Variants in MAPK10 observed in about 807,000 individuals in gnomAD.
The protein encoded by MAPK10 is mitogen-activated protein kinase 10.
A neutral mutation model predicts 59.3 loss-of-function variants in MAPK10; 25 were observed. That is an observed-to-expected ratio of 0.42 (90% CI 0.31 to 0.59). The LOEUF is 0.59. Ranked by LOEUF, MAPK10 falls within the 20% of genes least tolerant of loss-of-function variation. MAPK10 has a pLI of 0.15. For synonymous variants in MAPK10, 190 were observed against 200.5 expected, an observed-to-expected ratio of 0.95 and a Z score of 0.44; for missense variants, 351 against 568.9, an observed-to-expected ratio of 0.62 and a Z score of 3.90.
intron 1 of MAPK10, among the ~76,000 whole-genome samples, chr4:86,528,064 G>A (rs979536202): frequency 7.9e-5 from 12 of 152,098 alleles, no homozygotes; most frequent in African/African-American, 1.9e-4. Flanking sequence ...TCACTACCTC[G>A]GTGATGGGAT....
chr4:86,262,550 T>G (rs2094037737), intron 2 of MAPK10, among the ~76,000 whole-genome samples: 1 of 152,192 alleles, frequency 6.6e-6, no homozygotes, highest in African/African-American at 2.4e-5. Flanking sequence ...TTAACACGCC[T>G]CATGACTAGG....
At chr4:86,348,462 C>T (rs1729437762) in intron 2 of MAPK10, among the ~76,000 whole-genome samples, 1 of 152,084 alleles carries the variant, frequency 6.6e-6, no homozygotes, top group Non-Finnish European at 1.5e-5. Context: ...ATTATAACCC[C>T]CATTCTTCCT....
intron 2 of MAPK10, among the ~76,000 whole-genome samples, chr4:86,243,787 C>T (rs114771251): frequency 2.7e-4 from 32 of 117,770 alleles, no homozygotes; most frequent in African/African-American, 1.0e-3. Flanking sequence ...TTTAGTTTGT[C>T]GATAGCTAGC....
rs1427459617 is a variant in MAPK10 at position 86,010,616 on chromosome 4, G to A, written c.*6612C>T. 1 of 152,128 alleles carries A rather than the reference G, an allele frequency of 6.6e-6. No individual in the cohort carries two copies. Among genetic ancestry groups the A allele is most frequent in the African/African-American group, 2.4e-5 (1 of 41,426 alleles). 9.4% of individuals were successfully genotyped at this position (152,128 alleles called of 1,614,324 possible). A position where few individuals can be genotyped will look rare whatever the true frequency, so the allele number is the denominator to read the frequency against. On this transcript the variant is annotated 3_prime_UTR_variant, in exon 14 of 14. Coordinates refer to ENST00000641462, the MANE Select transcript of MAPK10 (RefSeq NM_138982.4). ...AAGTTCGCAATGTATTAACATGAAG[G>A]AATAGGCCATTGCTTTCTGAAAACC...
intron 2 of MAPK10, among the ~76,000 whole-genome samples, chr4:86,320,456 T>G (rs1013521792): frequency 3.9e-5 from 6 of 152,328 alleles, no homozygotes; most frequent in Admixed American, 6.5e-5. Context: ...AAATAGAATA[T>G]CTACACTTTT....
chr4:86,408,825 C>T (rs1273237697), intron 1 of MAPK10, among the ~76,000 whole-genome samples: 1 of 152,114 alleles, frequency 6.6e-6, no homozygotes, highest in Non-Finnish European at 1.5e-5. Flanking sequence ...GGGTAGATTG[C>T]AAAAATTTTC....
At chr4:86,443,907 G>A (rs1350688940) in intron 1 of MAPK10, among the ~76,000 whole-genome samples, 2 of 152,046 alleles carry the variant, frequency 1.3e-5, no homozygotes, top group Non-Finnish European at 2.9e-5. Context: ...TAAGCAGAGG[G>A]AAGGAAATTA....
intron 2 of MAPK10, among the ~76,000 whole-genome samples, chr4:86,267,845 C>T (rs1049663371): frequency 6.6e-6 from 1 of 152,156 alleles, no homozygotes; most frequent in African/African-American, 2.4e-5. Flanking sequence ...ACTCTCCCTT[C>T]CTCTTCTGTT....
chr4:86,059,491 T>G (rs899578051), intron 11 of MAPK10, among the ~76,000 whole-genome samples: 1 of 152,168 alleles, frequency 6.6e-6, no homozygotes, highest in Non-Finnish European at 1.5e-5. Flanking sequence ...TTAATTGAAC[T>G]TCAGCACTAA....
chr4:86,230,047 C>T (rs1025959625), intron 2 of MAPK10, among the ~76,000 whole-genome samples: 3 of 152,116 alleles, frequency 2.0e-5, no homozygotes, highest in African/African-American at 4.8e-5. Context: ...GGCAACAGAG[C>T]GAGACCTTGT....
chr4:86,331,425 G>T (rs2096150644), intron 2 of MAPK10, among the ~76,000 whole-genome samples: 1 of 152,068 alleles, frequency 6.6e-6, no homozygotes, highest in Non-Finnish European at 1.5e-5. Flanking sequence ...ATGATATATA[G>T]CCATGTTCAA....
intron 1 of MAPK10, among the ~76,000 whole-genome samples, chr4:86,385,091 A>G (rs896747970): frequency 6.6e-6 from 1 of 152,100 alleles, no homozygotes; most frequent in African/African-American, 2.4e-5. Context: ...TACAGAAAAC[A>G]CTTTTTTTCA....
At chr4:86,508,673 T>G (rs1388936031) in intron 1 of MAPK10, among the ~76,000 whole-genome samples, 2 of 152,202 alleles carry the variant, frequency 1.3e-5, no homozygotes, top group East Asian at 3.8e-4. Context: ...CTTTTTCCCT[T>G]ACTTGTTTCT....
At chr4:86,069,613 G>A (rs2047400848) in intron 9 of MAPK10, among the ~76,000 whole-genome samples, 2 of 152,042 alleles carry the variant, frequency 1.3e-5, no homozygotes, top group Admixed American at 6.6e-5. Flanking sequence ...GAATACATTA[G>A]TGTAGTTAAA....
intron 1 of MAPK10, among the ~76,000 whole-genome samples, chr4:86,529,536 A>G (rs964196770): frequency 6.6e-6 from 1 of 152,212 alleles, no homozygotes; most frequent in Non-Finnish European, 1.5e-5. Flanking sequence ...GCCAGGAAAC[A>G]AAATGTCTGT....
chr4:86,047,400 G>A (rs1319294341), intron 11 of MAPK10, among the ~76,000 whole-genome samples: 1 of 152,090 alleles, frequency 6.6e-6, no homozygotes, highest in South Asian at 2.1e-4. Flanking sequence ...CCTAAAGGGG[G>A]AGCTTGCTTG....
intron 2 of MAPK10, among the ~76,000 whole-genome samples, chr4:86,237,884 A>T (rs1245876751): frequency 1.1e-4 from 17 of 152,066 alleles, no homozygotes. Flanking sequence ...TTTTGTTGCA[A>T]TTCCTTTTGG....
At chr4:86,470,912 C>T (rs1752600634) in intron 1 of MAPK10, among the ~76,000 whole-genome samples, 1 of 152,186 alleles carries the variant, frequency 6.6e-6, no homozygotes, top group Non-Finnish European at 1.5e-5. Context: ...GCCAAAACTA[C>T]TTACCAAAAC....
chr4:86,135,532 T>C (rs987178675), intron 4 of MAPK10, among the ~76,000 whole-genome samples: 5 of 151,988 alleles, frequency 3.3e-5, no homozygotes, highest in Non-Finnish European at 7.4e-5. Flanking sequence ...CAAAAACCCA[T>C]CTGTACATCA....
Sources: allele counts gnomAD v4.1 joint callset (sites outside exome capture counted in the v4.1 genomes callset), GRCh38; gene constraint gnomAD v4.1.1; transcripts MANE v1.5; gene names NCBI Gene and HGNC (gene_info 2026-07-23, HGNC 2026-07-21).